ATP11A: variants seen among roughly 807,000 people sequenced by gnomAD.
ATP11A encodes the protein ATPase phospholipid transporting 11A.
Under a neutral mutation model 154.4 loss-of-function variants are expected in ATP11A, and 81 were observed. The observed-to-expected ratio is 0.52, with a 90% CI of 0.44 to 0.63. ATP11A has a LOEUF of 0.63. ATP11A is among the 30% of genes least tolerant of loss of function. The probability of loss-of-function intolerance (pLI) is 0.00; values close to 1 mark genes in which losing one functional copy is unlikely to be tolerated. For synonymous variants in ATP11A, 623 were observed against 585.9 expected (o/e 1.06, Z -0.91); for missense variants, 1,316 against 1,474.3 (o/e 0.89, Z 1.76).
chr13:112,797,255 C>T (rs2078023247), intron 2 of ATP11A, among the ~76,000 whole-genome samples: 1 of 141,986 alleles, frequency 7.0e-6, no homozygotes, highest in South Asian at 2.3e-4. Context: ...TGCACTCCAC[C>T]CTGGGCAGCC....
At chr13:112,710,422 C>T (rs992950161) in intron 1 of ATP11A, among the ~76,000 whole-genome samples, 2 of 152,186 alleles carry the variant, frequency 1.3e-5, no homozygotes, top group Non-Finnish European at 2.9e-5. Context: ...AGGGCCGCTC[C>T]CCAGAAAACA....
intron 1 of ATP11A, among the ~76,000 whole-genome samples, chr13:112,779,186 G>A (rs1312528162): frequency 7.2e-6 from 1 of 139,112 alleles, no homozygotes; most frequent in Non-Finnish European, 1.5e-5. Flanking sequence ...AGTAGCCGCT[G>A]GAGTGAGGAG....
intron 1 of ATP11A, among the ~76,000 whole-genome samples, chr13:112,709,869 C>G (rs926488009): frequency 2.6e-5 from 4 of 152,288 alleles, no homozygotes. Context: ...GAGTTTGACT[C>G]TTGTTGTCAA....
At chr13:112,708,608 G>A (rs1056571964) in intron 1 of ATP11A, among the ~76,000 whole-genome samples, 3 of 152,068 alleles carry the variant, frequency 2.0e-5, no homozygotes, top group African/African-American at 7.2e-5. Context: ...TTAAAAAATG[G>A]GTTGATATTG....
chr13:112,691,483 G>GGTGTGTGTGTGTGTGTGT (rs58956060), intron 1 of ATP11A, among the ~76,000 whole-genome samples: 5 of 125,140 alleles, frequency 4.0e-5, no homozygotes, highest in African/African-American at 1.5e-4. Flanking sequence ...AAAAAAAAAG[G>GGTGTGTGTGTGTGTGTGT]GTGTGTGTGT....
chr13:112,754,621 G>T lies in ATP11A; in HGVS notation c.40-30514G>T. 6.5e-6 allele frequency: 1 copy of T among 153,412 alleles called. No individual in the cohort carries two copies. The highest frequency in any genetic ancestry group is 2.1e-3 in the Middle Eastern group (1 of 480). 9.5% of individuals were successfully genotyped at this position (153,412 alleles called of 1,614,324 possible). ...GCCACCTTCAGGGCCTCCTGGAGAG[G>T]TTGAGCCCCAGACTCCTGGGAAGCT... On this transcript the variant is annotated intron_variant, in intron 1 of 29. Transcript: ENST00000375645. This position sits in a 1 kb window ranked among gnomAD's most constrained non-coding sequence, Gnocchi z 5.3.
intron 1 of ATP11A, among the ~76,000 whole-genome samples, chr13:112,774,394 G>C (rs1305410933): frequency 1.3e-5 from 2 of 152,204 alleles, no homozygotes; most frequent in Non-Finnish European, 2.9e-5. Context: ...CCCTTGAGAA[G>C]ATGTCACACC....
rs1375246975 is a variant in ATP11A at position 112,690,722 on chromosome 13, C to T, written c.39+267C>T. Among the ~76,000 whole-genome samples the T allele has an allele frequency of 6.6e-6, 1 of 152,076 alleles. No homozygotes were observed. The highest frequency in any genetic ancestry group is 1.5e-5 in the Non-Finnish European group (1 of 68,002). On this transcript the variant is annotated intron_variant, in intron 1 of 29. Coordinates refer to ENST00000375645, the MANE Select transcript of ATP11A (RefSeq NM_015205.3). This position sits in a 1 kb window ranked among gnomAD's most constrained non-coding sequence, Gnocchi z 5.6. ...TCCCTGGCCGCGGCCGCCTGGCGCC[C>T]CCTTCCCGCCCGCAGCGCCCTGGGG... is the stretch of plus-strand genomic sequence containing the variant.
At chr13:112,777,564 CA>C (rs1257612761) in intron 1 of ATP11A, among the ~76,000 whole-genome samples, 4 of 152,140 alleles carry the variant, frequency 2.6e-5, no homozygotes, top group Admixed American at 6.5e-5. Flanking sequence ...GACTTCGTCT[CA>C]AAAAATATAT....
rs372362061 is a variant in ATP11A at position 112,873,512 on chromosome 13, A to T, written c.3058-61A>T. The T allele has an allele frequency of 9.0e-6, 12 of 1,335,228 alleles. No homozygotes were observed. The East Asian group carries it at 2.6e-4, about 29-fold the overall frequency. 82.7% of individuals were successfully genotyped at this position (1,335,228 alleles called of 1,614,324 possible). ...CACCCCCCGGCTCTCTGTCCTGCCC[A>T]TCACGATCATTCTCACTGCTCAGAT... On this transcript the variant is annotated intron_variant, in intron 26 of 29. Coordinates refer to ENST00000375645, the MANE Select transcript of ATP11A (RefSeq NM_015205.3).
At chr13:112,781,117 C>T (rs1483784099) in intron 1 of ATP11A, among the ~76,000 whole-genome samples, 2 of 152,178 alleles carry the variant, frequency 1.3e-5, no homozygotes, top group East Asian at 1.9e-4. Context: ...CTTGTCACTG[C>T]AACCTCCACC....
At chr13:112,714,149 A>AC (rs1217675096) in intron 1 of ATP11A, among the ~76,000 whole-genome samples, 1 of 131,282 alleles carries the variant, frequency 7.6e-6, no homozygotes, top group Non-Finnish European at 1.6e-5. Flanking sequence ...CACTCCTCCC[A>AC]CCCGGCTTCC....
intron 1 of ATP11A, among the ~76,000 whole-genome samples, chr13:112,729,745 G>A (rs1046596679): frequency 6.6e-6 from 1 of 152,274 alleles, no homozygotes; most frequent in South Asian, 2.1e-4. Context: ...GGTGAGGCCA[G>A]CAGGCCGCTG....
At chr13:112,869,643 G>A (rs1392103449) in intron 25 of ATP11A, among the ~76,000 whole-genome samples, 2 of 152,208 alleles carry the variant, frequency 1.3e-5, no homozygotes, top group East Asian at 1.9e-4. Flanking sequence ...AGCGTCAGGG[G>A]CTTTTCCTCC....
chr13:112,703,347 G>C (rs1445259288), intron 1 of ATP11A: 1 of 152,186 alleles, frequency 6.6e-6, no homozygotes, highest in Admixed American at 6.5e-5. Context: ...CTAATCGTAA[G>C]TACCTCGTAA....
chr13:112,832,908 CAG>C lies in ATP11A; in HGVS notation c.1445_1446del (p.Gln482ArgfsTer5). ...FRALCLCHTVQVKDDDSVDGP... is the reference protein window; with the variant it reads ...FRALCLCHTVXVKDDDSVDGP... ...GGCCCTCTGTCTCTGCCACACCGTC[CAG>C]GTGAAAGACGATGACAGCGTAGACG... On this transcript the variant is annotated frameshift_variant, in exon 14 of 30. Transcript: ENST00000375645. LOFTEE classifies it high-confidence loss of function. 6.2e-7 allele frequency: 1 copy of C among 1,614,122 alleles called. No individual in the cohort carries two copies. The highest frequency in any genetic ancestry group is 8.5e-7 in the Non-Finnish European group (1 of 1,179,996).
chr13:112,722,081 A>G (rs2139639228), intron 1 of ATP11A, among the ~76,000 whole-genome samples: 1 of 152,216 alleles, frequency 6.6e-6, no homozygotes, highest in Non-Finnish European at 1.5e-5. Context: ...AACTCACAAT[A>G]TTTGAGGAGA....
chr13:112,813,721 G>A (rs142773088), intron 5 of ATP11A, among the ~76,000 whole-genome samples: 30 of 151,896 alleles, frequency 2.0e-4, no homozygotes, highest in Non-Finnish European at 2.9e-4. Context: ...TCATTCCCAC[G>A]CACGACGTTG....
At chr13:112,760,765 A>G (rs2076944592) in intron 1 of ATP11A, among the ~76,000 whole-genome samples, 1 of 152,186 alleles carries the variant, frequency 6.6e-6, no homozygotes, top group Non-Finnish European at 1.5e-5. Context: ...TATTGCTTTG[A>G]TCTGAATTTG....
Sources: allele counts gnomAD v4.1 joint callset (sites outside exome capture counted in the v4.1 genomes callset), GRCh38; gene constraint gnomAD v4.1.1; non-coding constraint Gnocchi (gnomAD v3.1); transcripts MANE v1.5; gene names NCBI Gene and HGNC (gene_info 2026-07-23, HGNC 2026-07-21).